PPP2R5A: variants seen among roughly 807,000 people sequenced by gnomAD.
The protein encoded by PPP2R5A is protein phosphatase 2 regulatory subunit B'alpha.
PPP2R5A carries 25 observed loss-of-function variants against 64.2 expected under a neutral mutation model. That is an observed-to-expected ratio of 0.39 (90% CI 0.28 to 0.54). The LOEUF (loss-of-function observed/expected upper bound fraction) is 0.54, where lower values mean the gene tolerates loss of function less well. PPP2R5A is among the 20% of genes least tolerant of loss of function. The probability of loss-of-function intolerance (pLI) is 0.67; values close to 1 mark genes in which losing one functional copy is unlikely to be tolerated. For synonymous variants in PPP2R5A, 198 were observed against 201.2 expected (o/e 0.98, Z 0.13); for missense variants, 425 against 576.3 (o/e 0.74, Z 2.69).
chr1:212,327,883 C>T (rs898995886), intron 1 of PPP2R5A, among the ~76,000 whole-genome samples: 2 of 152,198 alleles, frequency 1.3e-5, no homozygotes, highest in African/African-American at 2.4e-5. Context: ...GGTGCGATTT[C>T]GGCTCGCTGC....
At chr1:212,308,107 C>T (rs1658955065) in intron 1 of PPP2R5A, among the ~76,000 whole-genome samples, 1 of 152,068 alleles carries the variant, frequency 6.6e-6, no homozygotes, top group South Asian at 2.1e-4. Flanking sequence ...CCCAAGCCTT[C>T]ATTTTTGAAA....
At chr1:212,312,294 CTGCCTGAGGA>C (rs1246604368) in intron 1 of PPP2R5A, among the ~76,000 whole-genome samples, 1 of 152,190 alleles carries the variant, frequency 6.6e-6, no homozygotes, top group Non-Finnish European at 1.5e-5. Flanking sequence ...AATGATGAAA[CTGCCTGAGGA>C]TGCATTCTCA....
At chr1:212,320,122 T>C (rs1659242417) in intron 1 of PPP2R5A, among the ~76,000 whole-genome samples, 1 of 151,754 alleles carries the variant, frequency 6.6e-6, no homozygotes, top group Admixed American at 6.6e-5. Flanking sequence ...CCCTGGGTAC[T>C]TGAGATTAGG....
chr1:212,298,185 A>T lies in PPP2R5A; in HGVS notation c.181+11894A>T. On this transcript the variant is annotated intron_variant, in intron 1 of 12. Coordinates refer to ENST00000261461, the MANE Select transcript of PPP2R5A (RefSeq NM_006243.4). ...CCAAGGCAGAAGAATTTTTCTTAGT[A>T]CAGAACAAAATGAAAAGTCTCCCAT... Among the ~76,000 whole-genome samples, 2 of 40,076 alleles carry T rather than the reference A, an allele frequency of 5.0e-5. 1 individual carries two copies. The highest frequency in any genetic ancestry group is 9.0e-5 in the Non-Finnish European group (2 of 22,244). 26.3% of individuals were successfully genotyped at this position (40,076 alleles called of 152,430 possible).
chr1:212,315,687 G>A (rs1659137505), intron 1 of PPP2R5A, among the ~76,000 whole-genome samples: 1 of 152,184 alleles, frequency 6.6e-6, no homozygotes, highest in African/African-American at 2.4e-5. Flanking sequence ...ATGTAAATAT[G>A]AAGTATACAT....
At chr1:212,301,308 A>G (rs1240316794) in intron 1 of PPP2R5A, among the ~76,000 whole-genome samples, 1 of 152,156 alleles carries the variant, frequency 6.6e-6, no homozygotes, top group Non-Finnish European at 1.5e-5. Context: ...CACCATGCCC[A>G]GCCCAGTTAA....
chr1:212,314,698 C>T (rs1659111856), intron 1 of PPP2R5A, among the ~76,000 whole-genome samples: 1 of 151,804 alleles, frequency 6.6e-6, no homozygotes, highest in Non-Finnish European at 1.5e-5. Flanking sequence ...GCTGGGACTA[C>T]AGGCACGTGC....
chr1:212,358,797 AT>A lies in PPP2R5A; in HGVS notation c.1328+14del. The A allele has an allele frequency of 6.3e-7, 1 of 1,595,340 alleles. No homozygotes were observed. The highest frequency in any genetic ancestry group is 8.6e-7 in the Non-Finnish European group (1 of 1,164,304). On this transcript the variant is annotated intron_variant, in intron 12 of 12. Coordinates refer to ENST00000261461, the MANE Select transcript of PPP2R5A (RefSeq NM_006243.4). The stretch of plus-strand genomic sequence containing the variant: ...AAGCTGAAAGACAGAGGTATTTGAT[AT>A]TTTGAATTACAAAATTATCTATACA...
chr1:212,310,053 C>T (rs1658999496), intron 1 of PPP2R5A, among the ~76,000 whole-genome samples: 1 of 152,174 alleles, frequency 6.6e-6, no homozygotes, highest in African/African-American at 2.4e-5. Context: ...TTTGGATATG[C>T]CCAGGCACCT....
chr1:212,302,255 C>T lies in PPP2R5A; in HGVS notation c.181+15964C>T, dbSNP rs147357417. On this transcript the variant is annotated intron_variant, in intron 1 of 12. Coordinates refer to ENST00000261461, the MANE Select transcript of PPP2R5A (RefSeq NM_006243.4). ...ATCTTACTGTATTGTATTAAAAATT[C>T]GGTGAACTGTTCTTAAAACCAACCC... Among the ~76,000 whole-genome samples, 11 of 152,246 alleles carry T rather than the reference C, an allele frequency of 7.2e-5. No individual in the cohort carries two copies. In the East Asian group the frequency reaches 1.9e-3, roughly 27 times the overall value.
chr1:212,360,972 A>C lies in PPP2R5A; in HGVS notation c.*202A>C. Reference sequence around the variant, plus strand: ...AGTATATTGTAACCTTTGTCTAATCATTGGATTTATTGTGTCACTTCTGAA... The same window carrying C: ...AGTATATTGTAACCTTTGTCTAATCCTTGGATTTATTGTGTCACTTCTGAA... On this transcript the variant is annotated 3_prime_UTR_variant, in exon 13 of 13. Transcript: ENST00000261461. The C allele has an allele frequency of 2.8e-6, 1 of 354,734 alleles. No individual in the cohort carries two copies. The highest frequency in any genetic ancestry group is 5.1e-6 in the Non-Finnish European group (1 of 197,042). The allele number at this position is 354,734 out of a possible 1,614,324, so 22.0% of individuals were successfully genotyped here.
intron 3 of PPP2R5A, among the ~76,000 whole-genome samples, chr1:212,339,704 G>A (rs185501071): frequency 1.3e-5 from 2 of 152,130 alleles, no homozygotes; most frequent in African/African-American, 4.8e-5. Context: ...AATTCAGTTT[G>A]AGAGAATTAG....
intron 1 of PPP2R5A, among the ~76,000 whole-genome samples, chr1:212,321,308 C>T (rs12410664): frequency 0.29 from 40,366 of 141,362 alleles, 5,547 homozygotes; most frequent in Non-Finnish European, 0.36. Flanking sequence ...GGCGGCTGGC[C>T]GGGCGAGGGG....
chr1:212,285,812 G>T lies in PPP2R5A; in HGVS notation c.-299G>T, dbSNP rs974210949. The T allele has an allele frequency of 3.3e-6, 1 of 301,678 alleles. No individual in the cohort carries two copies. The highest frequency in any genetic ancestry group is 6.1e-6 in the Non-Finnish European group (1 of 164,472). The allele number at this position is 301,678 out of a possible 1,614,324, so 18.7% of individuals were successfully genotyped here. On this transcript the variant is annotated 5_prime_UTR_variant, in exon 1 of 13. Coordinates refer to ENST00000261461, the MANE Select transcript of PPP2R5A (RefSeq NM_006243.4). ...CTAAACTTCGGGCTCTCTTCCACCC[G>T]CTCTGCGCGCCCAGAGTCAACAACT...
At chr1:212,321,570 C>G (rs1467426616) in intron 1 of PPP2R5A, among the ~76,000 whole-genome samples, 1 of 147,506 alleles carries the variant, frequency 6.8e-6, no homozygotes, top group Admixed American at 6.6e-5. Context: ...CGGGCAGAGA[C>G]GCTCCTCACA....
intron 8 of PPP2R5A, among the ~76,000 whole-genome samples, chr1:212,350,288 T>C (rs1041615339): frequency 6.6e-5 from 10 of 152,220 alleles, no homozygotes; most frequent in African/African-American, 2.4e-4. Flanking sequence ...TAGAAACAGC[T>C]GTAAACAGTT....
At chr1:212,340,543 C>CT (rs1285309925) in intron 3 of PPP2R5A, among the ~76,000 whole-genome samples, 1 of 152,184 alleles carries the variant, frequency 6.6e-6, no homozygotes, top group Non-Finnish European at 1.5e-5. Context: ...TTTTGTATAT[C>CT]TTTTTGCACG....
intron 12 of PPP2R5A, among the ~76,000 whole-genome samples, chr1:212,359,396 C>G (rs1345141610): frequency 2.0e-5 from 3 of 152,126 alleles, no homozygotes; most frequent in African/African-American, 7.2e-5. Flanking sequence ...GTTGTCCTTG[C>G]AATAATATGT....
intron 1 of PPP2R5A, among the ~76,000 whole-genome samples, chr1:212,307,682 A>G (rs1457338734): frequency 6.6e-6 from 1 of 152,156 alleles, no homozygotes; most frequent in Admixed American, 6.5e-5. Context: ...AATTATCTTT[A>G]CTGGTGCTCT....
Sources: gnomAD v4.1 joint callset for allele counts (sites outside exome capture counted in the v4.1 genomes callset) on GRCh38, gnomAD v4.1.1 for gene constraint, MANE v1.5 for transcripts, NCBI Gene and HGNC (gene_info 2026-07-23, HGNC 2026-07-21) for gene names.